The following LMO1 variants were observed in gnomAD, a reference collection of about 807,000 sequenced individuals.
LMO1 encodes rhombotin-1.
LMO1 carries 10 observed loss-of-function variants against 18.0 expected under a neutral mutation model. The ratio of observed to expected loss-of-function variants is 0.55; its 90% CI spans 0.34 to 0.94. LMO1 has a LOEUF of 0.94. Ranked by LOEUF, LMO1 falls within the 40% of genes least tolerant of loss-of-function variation. The pLI, the probability that LMO1 is intolerant of heterozygous loss-of-function variation, is 0.02. For synonymous variants in LMO1, 77 were observed against 77.9 expected (o/e 0.99, Z 0.06); for missense variants, 183 against 205.7 (o/e 0.89, Z 0.68).
At chr11:8,251,506 C>T (rs544268631) in intron 1 of LMO1, among the ~76,000 whole-genome samples, 18 of 152,324 alleles carry the variant, frequency 1.2e-4, no homozygotes, top group Middle Eastern at 3.4e-3. Context: ...GAAGGAACCA[C>T]CCTCACCTCC....
intron 1 of LMO1, among the ~76,000 whole-genome samples, chr11:8,247,700 C>T (rs1308414526): frequency 6.6e-6 from 1 of 152,234 alleles, no homozygotes; most frequent in African/African-American, 2.4e-5. Flanking sequence ...AGCAAGTGGA[C>T]ACATGCTCGT....
intron 2 of LMO1, among the ~76,000 whole-genome samples, chr11:8,229,557 T>A (rs1327699688): frequency 6.6e-6 from 1 of 152,180 alleles, no homozygotes; most frequent in Non-Finnish European, 1.5e-5. Flanking sequence ...CTTGCTGATG[T>A]CATAAATGGC....
At chr11:8,268,617 C>G (rs7943479), upstream of LMO1, 16,529 of 400,262 alleles carry the variant, frequency 0.041, 629 homozygotes, top group African/African-American at 0.13. Context: ...AGCGCAGCCC[C>G]GCGGGCAGGG....
intron 1 of LMO1, among the ~76,000 whole-genome samples, chr11:8,230,957 G>T (rs74972056): frequency 0.031 from 4,647 of 152,320 alleles, 98 homozygotes; most frequent in Middle Eastern, 0.068. Flanking sequence ...GTGCCAACTC[G>T]TCTTTCTCCA....
At chr11:8,250,517 T>C (rs1212781689) in intron 1 of LMO1, among the ~76,000 whole-genome samples, 2 of 152,246 alleles carry the variant, frequency 1.3e-5, no homozygotes, top group Non-Finnish European at 2.9e-5. Context: ...GTCAAAGCAT[T>C]GAACTCTGCA....
chr11:8,231,511 G>A (rs755485356), intron 1 of LMO1, among the ~76,000 whole-genome samples: 1 of 152,222 alleles, frequency 6.6e-6, no homozygotes, highest in Non-Finnish European at 1.5e-5. Context: ...ATGTGGACCC[G>A]TGAGGCTGGG....
At chr11:8,245,269 G>A (rs1474957481) in intron 1 of LMO1, among the ~76,000 whole-genome samples, 1 of 152,162 alleles carries the variant, frequency 6.6e-6, no homozygotes, top group Non-Finnish European at 1.5e-5. Flanking sequence ...AGACACATCT[G>A]AGGCAAGGGT....
At chr11:8,235,114 G>A (rs1053438815) in intron 1 of LMO1, among the ~76,000 whole-genome samples, 15 of 151,230 alleles carry the variant, frequency 9.9e-5, no homozygotes, top group African/African-American at 3.7e-4. Context: ...CCAGGGCACA[G>A]TGAACAGGAA....
chr11:8,226,769 A>G (rs1431149187), intron 3 of LMO1: 1 of 887,546 alleles, frequency 1.1e-6, no homozygotes, highest in African/African-American at 1.7e-5. Flanking sequence ...GTGCACACCC[A>G]ATATTAAAGT....
intron 1 of LMO1, among the ~76,000 whole-genome samples, chr11:8,254,647 G>A (rs566713921): frequency 6.9e-6 from 1 of 143,952 alleles, no homozygotes; most frequent in Admixed American, 7.1e-5. Flanking sequence ...TGGGAGGAAT[G>A]GAGCTGGGCT....
chr11:8,266,940 C>A (rs1847267436), upstream of LMO1, among the ~76,000 whole-genome samples: 1 of 152,240 alleles, frequency 6.6e-6, no homozygotes, highest in African/African-American at 2.4e-5. Flanking sequence ...ACAGAGTAAA[C>A]CTACAGACTT....
Position 8,263,524 on chromosome 11 carries a change from A to G in LMO1, c.-162T>C. The G allele has an allele frequency of 7.2e-7, 1 of 1,396,348 alleles. No individual in the cohort carries two copies. The highest frequency in any genetic ancestry group is 1.6e-5 in the South Asian group (1 of 62,632). The allele number at this position is 1,396,348 out of a possible 1,614,324, so 86.5% of individuals were successfully genotyped here. On this transcript the variant is annotated 5_prime_UTR_variant, in exon 1 of 4. Transcript: ENST00000335790. The stretch of plus-strand genomic sequence containing the variant: ...ATTGCACTCAGCTAGAATTACATTC[A>G]GGAGTGAAGCACTTCGCAGATACAA...
upstream of LMO1, among the ~76,000 whole-genome samples, chr11:8,266,929 G>C (rs1847267356): frequency 6.6e-6 from 1 of 152,254 alleles, no homozygotes; most frequent in African/African-American, 2.4e-5. Context: ...CAGTTGACAG[G>C]ACAGAGTAAA....
At chr11:8,232,908 C>T (rs909405041) in intron 1 of LMO1, among the ~76,000 whole-genome samples, 9 of 152,194 alleles carry the variant, frequency 5.9e-5, no homozygotes, top group African/African-American at 2.2e-4. Flanking sequence ...CGAGCTCAGA[C>T]CCCAGCATGT....
chr11:8,266,999 T>TC (rs1440475172), upstream of LMO1, among the ~76,000 whole-genome samples: 1 of 152,094 alleles, frequency 6.6e-6, no homozygotes, highest in African/African-American at 2.4e-5. Context: ...GCCCTTCCCT[T>TC]CCCCCTGCTT....
chr11:8,264,006 A>C (rs1005259631), upstream of LMO1: 17 of 294,970 alleles, frequency 5.8e-5, no homozygotes, highest in Non-Finnish European at 5.3e-6. Context: ...TCTAGGTCCT[A>C]GCTCGGTGAG....
At chr11:8,246,879 G>T (rs1348362002) in intron 1 of LMO1, among the ~76,000 whole-genome samples, 1 of 152,150 alleles carries the variant, frequency 6.6e-6, no homozygotes, top group African/African-American at 2.4e-5. Context: ...CAGGGGGCAG[G>T]CCCTGGTCAC....
chr11:8,238,219 T>C (rs1028772508), intron 1 of LMO1, among the ~76,000 whole-genome samples: 1 of 152,236 alleles, frequency 6.6e-6, no homozygotes, highest in African/African-American at 2.4e-5. Flanking sequence ...TGGAATAGTA[T>C]GTAGCAATTA....
intron 2 of LMO1, among the ~76,000 whole-genome samples, chr11:8,229,238 C>T (rs1436457968): frequency 6.6e-6 from 1 of 152,164 alleles, no homozygotes; most frequent in Admixed American, 6.5e-5. Context: ...TCCCCTCCAG[C>T]CCTGGCAAGG....
Sources: gnomAD v4.1 joint callset for allele counts (sites outside exome capture counted in the v4.1 genomes callset) on GRCh38, gnomAD v4.1.1 for gene constraint, MANE v1.5 for transcripts, NCBI Gene and HGNC (gene_info 2026-07-23, HGNC 2026-07-21) for gene names.